GALNTL6: variants seen among roughly 807,000 people sequenced by gnomAD.
GALNTL6 encodes polypeptide N-acetylgalactosaminyltransferase like 6.
A neutral mutation model predicts 73.7 loss-of-function variants in GALNTL6; 46 were observed. That is an observed-to-expected ratio of 0.62 (90% CI 0.49 to 0.80). The LOEUF (loss-of-function observed/expected upper bound fraction) is 0.80, where lower values mean the gene tolerates loss of function less well. Ranked by LOEUF, GALNTL6 falls within the 30% of genes least tolerant of loss-of-function variation. The pLI is 0.00. For synonymous variants in GALNTL6, 259 were observed against 263.7 expected (o/e 0.98, Z 0.17); for missense variants, 604 against 755.0 (o/e 0.80, Z 2.34).
At chr4:172,577,854 G>C (rs1351356327) in intron 5 of GALNTL6, among the ~76,000 whole-genome samples, 1 of 152,092 alleles carries the variant, frequency 6.6e-6, no homozygotes, top group Non-Finnish European at 1.5e-5. Context: ...TATACAAACT[G>C]CTCCCCACAA....
At chr4:171,991,462 T>C (rs1181691916) in intron 2 of GALNTL6, among the ~76,000 whole-genome samples, 1 of 152,018 alleles carries the variant, frequency 6.6e-6, no homozygotes, top group East Asian at 1.9e-4. Flanking sequence ...TATACAAAAA[T>C]AGTCAAGAGA....
At chr4:172,525,473 T>C (rs901813120) in intron 5 of GALNTL6, among the ~76,000 whole-genome samples, 4 of 152,210 alleles carry the variant, frequency 2.6e-5, no homozygotes, top group East Asian at 1.9e-4. Flanking sequence ...GTTTTAAACT[T>C]TTTTTAATTT....
At chr4:172,699,081 T>C (rs1205620969) in intron 5 of GALNTL6, among the ~76,000 whole-genome samples, 1 of 152,152 alleles carries the variant, frequency 6.6e-6, no homozygotes, top group Non-Finnish European at 1.5e-5. Context: ...AAGAGCCTTA[T>C]AGCTGTGCTT....
In GALNTL6 at chr4:172,813,622, A is replaced by G. The variant is rs1560970232; in HGVS notation, c.822A>G (p.Gln274=). 6.2e-7 allele frequency: 1 copy of G among 1,613,552 alleles called. No homozygotes were observed. ...IDHNHFGYEA[Q]AGDAMRGAFD... Reference sequence around the variant, plus strand: ...ACAATCACTTCGGGTATGAGGCACAAGCTGGGGATGCCATGCGAGGAGCCT... The same window carrying G: ...ACAATCACTTCGGGTATGAGGCACAGGCTGGGGATGCCATGCGAGGAGCCT... The change falls in exon 7 of 13, where the codon CAA becomes CAG. Residue 274 remains glutamine, a synonymous_variant. Coordinates refer to ENST00000506823, the MANE Select transcript of GALNTL6 (RefSeq NM_001034845.3).
intron 5 of GALNTL6, among the ~76,000 whole-genome samples, chr4:172,375,138 G>C (rs367632233): frequency 6.6e-6 from 1 of 152,152 alleles, no homozygotes; most frequent in African/African-American, 2.4e-5. Flanking sequence ...TAGGATATGG[G>C]GATAAGCTGA....
chr4:171,833,715 G>T (rs1471719371), intron 2 of GALNTL6, among the ~76,000 whole-genome samples: 1 of 151,682 alleles, frequency 6.6e-6, no homozygotes, highest in Non-Finnish European at 1.5e-5. Context: ...TTGGTGTATG[G>T]GTTTATATTA....
chr4:172,517,190 A>G (rs992056303), intron 5 of GALNTL6, among the ~76,000 whole-genome samples: 4 of 150,858 alleles, frequency 2.7e-5, no homozygotes, highest in African/African-American at 9.7e-5. Flanking sequence ...GTGTATTTTA[A>G]CAATATAATT....
intron 5 of GALNTL6, among the ~76,000 whole-genome samples, chr4:172,552,632 C>G (rs1284680645): frequency 6.6e-6 from 1 of 151,716 alleles, no homozygotes; most frequent in Non-Finnish European, 1.5e-5. Context: ...TCTACCCGCT[C>G]TATATACTAG....
Position 171,813,868 on chromosome 4 carries a change from C to G in GALNTL6, c.-292C>G, listed in dbSNP as rs1163511235. On this transcript the variant is annotated 5_prime_UTR_variant, in exon 1 of 13. Coordinates refer to ENST00000506823, the MANE Select transcript of GALNTL6 (RefSeq NM_001034845.3). This position sits in a 1 kb window ranked among gnomAD's most constrained non-coding sequence, Gnocchi z 5.2. Reference sequence around the variant, plus strand: ...CCTGCAGAGGAGCGTGTAGACAGCGCGCGAGGGTCCGGCACTTCGTGGACC... The same window carrying G: ...CCTGCAGAGGAGCGTGTAGACAGCGGGCGAGGGTCCGGCACTTCGTGGACC... 2 of 151,996 alleles carry G rather than the reference C, an allele frequency of 1.3e-5. No individual in the cohort carries two copies. Among genetic ancestry groups the G allele is most frequent in the Non-Finnish European group, 2.9e-5 (2 of 68,016 alleles). 9.4% of individuals were successfully genotyped at this position (151,996 alleles called of 1,614,324 possible).
intron 3 of GALNTL6, among the ~76,000 whole-genome samples, chr4:172,236,163 T>A (rs1737233523): frequency 6.6e-6 from 1 of 152,242 alleles, no homozygotes; most frequent in African/African-American, 2.4e-5. Flanking sequence ...TTGTATTTGC[T>A]TTTCTTTCAG....
intron 2 of GALNTL6, among the ~76,000 whole-genome samples, chr4:171,952,937 GAATT>G: frequency 6.6e-6 from 1 of 152,060 alleles, no homozygotes; most frequent in Non-Finnish European, 1.5e-5. Flanking sequence ...TTAAATGCTA[GAATT>G]AATAACATCA....
intron 4 of GALNTL6, among the ~76,000 whole-genome samples, chr4:172,329,234 T>C (rs1741043833): frequency 6.6e-6 from 1 of 152,024 alleles, no homozygotes; most frequent in South Asian, 2.1e-4. Flanking sequence ...GGCAACCTGT[T>C]CCTCTTACTG....
chr4:172,865,577 A>T (rs1289682534), intron 7 of GALNTL6, among the ~76,000 whole-genome samples: 1 of 152,230 alleles, frequency 6.6e-6, no homozygotes, highest in East Asian at 1.9e-4. Flanking sequence ...TATAATTGTG[A>T]TATCTTTATG....
At chr4:172,404,300 C>T (rs763330692) in intron 5 of GALNTL6, among the ~76,000 whole-genome samples, 3 of 151,868 alleles carry the variant, frequency 2.0e-5, no homozygotes, top group Non-Finnish European at 4.4e-5. Flanking sequence ...GGGTAGAGTG[C>T]CCCAGAGTCA....
At position 172,311,747 on chromosome 4, in the gene GALNTL6, T is replaced by C. The variant is rs772702289; in HGVS notation, c.381T>C (p.His127=). The C allele has an allele frequency of 2.1e-5, 33 of 1,587,710 alleles. No homozygotes were observed. Among genetic ancestry groups the C allele is most frequent in the African/African-American group, 2.7e-5 (2 of 74,048 alleles). ...AGAGGTCTCTGCCAGATATTCGTCA[T>C]GCTAAGTGAGTATCAGCATATCAGT... The part of the protein sequence containing the change: ...ALERSLPDIR[H]ANCKHKMYLE... Residue 127 remains histidine, a synonymous_variant, in exon 4 of 13, where the codon CAT becomes CAC. Coordinates refer to ENST00000506823, the MANE Select transcript of GALNTL6 (RefSeq NM_001034845.3).
intron 5 of GALNTL6, among the ~76,000 whole-genome samples, chr4:172,665,711 G>A (rs1208506826): frequency 6.6e-6 from 1 of 152,154 alleles, no homozygotes; most frequent in Admixed American, 6.5e-5. Flanking sequence ...CCTATCATAA[G>A]ATAGAGCACA....
intron 5 of GALNTL6, among the ~76,000 whole-genome samples, chr4:172,679,988 T>G (rs566507625): frequency 2.0e-5 from 3 of 152,180 alleles, no homozygotes; most frequent in Admixed American, 1.3e-4. Flanking sequence ...TTCTAGTAAT[T>G]CTTACCTAAT....
chr4:172,431,984 A>G (rs542147584), intron 5 of GALNTL6, among the ~76,000 whole-genome samples: 4 of 152,252 alleles, frequency 2.6e-5, no homozygotes, highest in Admixed American at 6.5e-5. Context: ...CATTCCTTTG[A>G]TAGGTATATT....
At chr4:172,094,053 G>A (rs1031081057) in intron 2 of GALNTL6, among the ~76,000 whole-genome samples, 2 of 152,100 alleles carry the variant, frequency 1.3e-5, no homozygotes, top group African/African-American at 4.8e-5. Flanking sequence ...AAAAGGTTGG[G>A]GACCGCTGAC....
Sources: allele counts gnomAD v4.1 joint callset (sites outside exome capture counted in the v4.1 genomes callset), GRCh38; gene constraint gnomAD v4.1.1; non-coding constraint Gnocchi (gnomAD v3.1); transcripts MANE v1.5; gene names NCBI Gene and HGNC (gene_info 2026-07-23, HGNC 2026-07-21).